Variants in CCDC85A observed in about 807,000 individuals in gnomAD.
CCDC85A encodes coiled-coil domain containing 85A, also known as coiled-coil domain-containing protein 85A.
In CCDC85A, 38 loss-of-function variants were observed where a neutral mutation model predicts 50.2. The ratio of observed to expected loss-of-function variants is 0.76; its 90% CI spans 0.58 to 0.99. CCDC85A has a LOEUF of 0.99. Ranked by LOEUF, CCDC85A falls within the 50% of genes least tolerant of loss-of-function variation. The pLI is 0.00. For synonymous variants in CCDC85A, 366 were observed against 301.4 expected (o/e 1.21, Z -2.22); for missense variants, 820 against 742.0 (o/e 1.11, Z -1.22).
At position 56,321,890 on chromosome 2, in the gene CCDC85A, C is replaced by G. The variant is rs563633318; in HGVS notation, c.1241-20989C>G. On this transcript the variant is annotated intron_variant, in intron 2 of 5. Transcript: ENST00000407595. ...AGGCATCAAGCTACCTGACTTCAAA[C>G]TATACTACAAGGCTACAGTAACCAA... Among the ~76,000 whole-genome samples the G allele has an allele frequency of 5.3e-5, 8 of 152,334 alleles. No individual in the cohort carries two copies. In the East Asian group the frequency reaches 1.2e-3, roughly 22 times the overall value.
intron 2 of CCDC85A, among the ~76,000 whole-genome samples, chr2:56,223,388 C>T (rs1039163351): frequency 6.6e-6 from 1 of 152,078 alleles, no homozygotes; most frequent in African/African-American, 2.4e-5. Flanking sequence ...ATTACTTGTT[C>T]CAATAAAACT....
chr2:56,191,041 C>T (rs969316825), intron 1 of CCDC85A, among the ~76,000 whole-genome samples: 4 of 152,164 alleles, frequency 2.6e-5, no homozygotes, highest in African/African-American at 4.8e-5. Flanking sequence ...TAGACATGCT[C>T]ACCTCGCTGT....
chr2:56,227,919 A>C (rs1262428405), intron 2 of CCDC85A, among the ~76,000 whole-genome samples: 4 of 152,190 alleles, frequency 2.6e-5, no homozygotes, highest in Non-Finnish European at 5.9e-5. Flanking sequence ...TTTGGAAACC[A>C]GTGCTCTCTG....
intron 2 of CCDC85A, among the ~76,000 whole-genome samples, chr2:56,207,584 G>A (rs1558584324): frequency 6.6e-6 from 1 of 152,136 alleles, no homozygotes. Flanking sequence ...TTATAGGTGT[G>A]TTGTGAAAAA....
At position 56,316,976 on chromosome 2, in the gene CCDC85A, C is replaced by T. The variant is rs1470184216; in HGVS notation, c.1241-25903C>T. ...GAAAAACATCCCTAAACCAGAGTTACGATTTTTCTTCTATTTTCTGTTAAA... is the reference window on the plus strand; with the variant it reads ...GAAAAACATCCCTAAACCAGAGTTATGATTTTTCTTCTATTTTCTGTTAAA... On this transcript the variant is annotated intron_variant, in intron 2 of 5. Transcript: ENST00000407595. Among the ~76,000 whole-genome samples, 11 of 152,140 alleles carry T rather than the reference C, an allele frequency of 7.2e-5. No individual in the cohort carries two copies. In the East Asian group the frequency reaches 1.9e-3, roughly 27 times the overall value.
chr2:56,255,605 G>C (rs559820297), intron 2 of CCDC85A, among the ~76,000 whole-genome samples: 2 of 152,246 alleles, frequency 1.3e-5, no homozygotes, highest in African/African-American at 4.8e-5. Context: ...GGAGGGCCCA[G>C]CTGTGTCAAA....
At chr2:56,188,672 T>G (rs1490013017) in intron 1 of CCDC85A, among the ~76,000 whole-genome samples, 1 of 152,270 alleles carries the variant, frequency 6.6e-6, no homozygotes, top group Non-Finnish European at 1.5e-5. Context: ...GCTTCTGATT[T>G]CCTGTAAAGC....
chr2:56,285,140 C>T (rs958650412), intron 2 of CCDC85A, among the ~76,000 whole-genome samples: 64 of 150,212 alleles, frequency 4.3e-4, no homozygotes, highest in African/African-American at 1.5e-3. Context: ...CTCACTCTGT[C>T]GCCCAGGCTG....
intron 3 of CCDC85A, among the ~76,000 whole-genome samples, chr2:56,355,747 G>A (rs953767577): frequency 2.6e-5 from 4 of 152,134 alleles, no homozygotes; most frequent in Non-Finnish European, 4.4e-5. Context: ...AGAAATGTAC[G>A]GATTACAGAG....
chr2:56,294,610 A>G (rs1453656023), intron 2 of CCDC85A, among the ~76,000 whole-genome samples: 1 of 152,170 alleles, frequency 6.6e-6, no homozygotes, highest in East Asian at 1.9e-4. Flanking sequence ...AGAGTTGACA[A>G]TTTGATTCAC....
intron 2 of CCDC85A, among the ~76,000 whole-genome samples, chr2:56,336,447 C>A (rs1674079859): frequency 6.6e-6 from 1 of 152,114 alleles, no homozygotes. Context: ...AGCCAGTGTG[C>A]CCAGCCTCCT....
intron 3 of CCDC85A, among the ~76,000 whole-genome samples, chr2:56,356,305 A>G (rs1381953476): frequency 6.6e-6 from 1 of 152,188 alleles, no homozygotes; most frequent in Admixed American, 6.5e-5. Flanking sequence ...TCAACTTTGT[A>G]TTTTGCAATT....
chr2:56,196,483 C>T (rs891718525), intron 2 of CCDC85A, among the ~76,000 whole-genome samples: 5 of 152,200 alleles, frequency 3.3e-5, no homozygotes. Context: ...ATGGGGGTTT[C>T]ACTTACTTGA....
intron 3 of CCDC85A, among the ~76,000 whole-genome samples, chr2:56,361,887 G>A (rs1204112374): frequency 6.6e-6 from 1 of 152,200 alleles, no homozygotes; most frequent in Non-Finnish European, 1.5e-5. Context: ...GAAGAAGGTA[G>A]AGACAGGGAG....
intron 2 of CCDC85A, among the ~76,000 whole-genome samples, chr2:56,297,419 C>G (rs571485558): frequency 1.4e-5 from 2 of 148,082 alleles, no homozygotes; most frequent in Non-Finnish European, 3.0e-5. Context: ...AATTGTGTGA[C>G]CTTTGTGTGA....
Position 56,249,075 on chromosome 2 carries a change from G to A in CCDC85A, c.1240+55635G>A, listed in dbSNP as rs573146918. ...GAGGAAGTCCAGGAATAAATAGCAG[G>A]ACCTTCTCTCTTCTTCTGTCTAATA... On this transcript the variant is annotated intron_variant, in intron 2 of 5. Coordinates refer to ENST00000407595, the MANE Select transcript of CCDC85A (RefSeq NM_001080433.2). Among the ~76,000 whole-genome samples, 13 of 152,336 alleles carry A rather than the reference G, an allele frequency of 8.5e-5. No homozygotes were observed. In the South Asian group the frequency reaches 2.7e-3, roughly 32 times the overall value.
chr2:56,274,817 C>T (rs1172599068), intron 2 of CCDC85A, among the ~76,000 whole-genome samples: 2 of 152,134 alleles, frequency 1.3e-5, no homozygotes, highest in Non-Finnish European at 2.9e-5. Flanking sequence ...ATCACAATTC[C>T]AGAGCCTGGA....
At chr2:56,280,293 T>G (rs1671148991) in intron 2 of CCDC85A, among the ~76,000 whole-genome samples, 2 of 152,182 alleles carry the variant, frequency 1.3e-5, no homozygotes, top group South Asian at 4.1e-4. Flanking sequence ...TCATTACCCT[T>G]TTTGAACCTT....
intron 3 of CCDC85A, among the ~76,000 whole-genome samples, chr2:56,361,302 G>C (rs1675515143): frequency 6.6e-6 from 1 of 151,908 alleles, no homozygotes; most frequent in Admixed American, 6.6e-5. Flanking sequence ...GTCATGGAAG[G>C]CTGATGGCTA....
Sources: gnomAD v4.1 joint callset for allele counts (sites outside exome capture counted in the v4.1 genomes callset) on GRCh38, gnomAD v4.1.1 for gene constraint, MANE v1.5 for transcripts, NCBI Gene and HGNC (gene_info 2026-07-23, HGNC 2026-07-21) for gene names.